Variants in ASAP2 observed in about 807,000 individuals in gnomAD.
The protein encoded by ASAP2 is ArfGAP with SH3 domain, ankyrin repeat and PH domain 2.
In ASAP2, 45 loss-of-function variants were observed where a neutral mutation model predicts 131.4. The ratio of observed to expected loss-of-function variants is 0.34; its 90% CI spans 0.27 to 0.44. The LOEUF (loss-of-function observed/expected upper bound fraction) is 0.44, where lower values mean the gene tolerates loss of function less well. ASAP2 is among the 20% of genes least tolerant of loss of function. The pLI is 1.00. For synonymous variants in ASAP2, 510 were observed against 503.0 expected (o/e 1.01, Z -0.19); for missense variants, 1,011 against 1,297.0 (o/e 0.78, Z 3.39).
intron 18 of ASAP2, among the ~76,000 whole-genome samples, chr2:9,378,270 G>T (rs763231081): frequency 4.6e-5 from 7 of 152,170 alleles, no homozygotes; most frequent in African/African-American, 1.7e-4. Flanking sequence ...GGCCATGTTT[G>T]CTAGGATTGA....
intron 16 of ASAP2, among the ~76,000 whole-genome samples, chr2:9,369,751 G>A (rs776210268): frequency 1.3e-5 from 2 of 152,200 alleles, no homozygotes; most frequent in African/African-American, 4.8e-5. Context: ...TTAATGACAC[G>A]AGTCTTCCCA....
chr2:9,216,690 A>T (rs1280811901), intron 1 of ASAP2, among the ~76,000 whole-genome samples: 2 of 151,638 alleles, frequency 1.3e-5, no homozygotes, highest in African/African-American at 4.8e-5. Context: ...CGAACTCCTG[A>T]CCTCAAGTGA....
chr2:9,285,396 T>C (rs1667400429), intron 2 of ASAP2, among the ~76,000 whole-genome samples: 1 of 152,216 alleles, frequency 6.6e-6, no homozygotes, highest in African/African-American at 2.4e-5. Flanking sequence ...GGTATCTGCA[T>C]GTCCCACGTG....
chr2:9,344,252 G>A lies in ASAP2; in HGVS notation c.850-280G>A, dbSNP rs548958675. On this transcript the variant is annotated intron_variant, in intron 9 of 27. Coordinates refer to ENST00000281419, the MANE Select transcript of ASAP2 (RefSeq NM_003887.3). ...TGTCACTGTCAGGGGGTTAAGGCTC[G>A]TAATGAAATAAAACCTGGAAACTTC... is the stretch of plus-strand genomic sequence containing the variant. Among the ~76,000 whole-genome samples, 6 of 152,194 alleles carry A rather than the reference G, an allele frequency of 3.9e-5. No homozygotes were observed. The South Asian group carries it at 6.2e-4, about 16-fold the overall frequency.
At chr2:9,286,403 CAG>C (rs1379586828) in intron 2 of ASAP2, among the ~76,000 whole-genome samples, 1 of 133,332 alleles carries the variant, frequency 7.5e-6, no homozygotes, top group African/African-American at 3.0e-5. Context: ...GTCTCCAAAA[CAG>C]AAAAAAAGGA....
intron 1 of ASAP2, among the ~76,000 whole-genome samples, chr2:9,276,427 G>T (rs371989716): frequency 6.6e-6 from 1 of 152,198 alleles, no homozygotes; most frequent in Non-Finnish European, 1.5e-5. Context: ...GCAGAGCTCA[G>T]ATGATCAGAT....
intron 1 of ASAP2, among the ~76,000 whole-genome samples, chr2:9,243,404 G>A (rs1271558170): frequency 2.0e-5 from 3 of 152,132 alleles, no homozygotes; most frequent in African/African-American, 4.8e-5. Context: ...CACCGTGCCC[G>A]GCCTAAAGAT....
chr2:9,398,895 G>A (rs1676400489), intron 24 of ASAP2: 1 of 152,192 alleles, frequency 6.6e-6, no homozygotes, highest in Non-Finnish European at 1.5e-5. Flanking sequence ...TGTCTCAGAG[G>A]ATCAGGCCTT....
Position 9,268,057 on chromosome 2 carries a change from G to T in ASAP2, c.127-11260G>T, listed in dbSNP as rs1433585341. ...GCCTCAGTTTGTAGTTTGCCAACAA[G>T]GTGTATATCCCTAAACATAAACAAT... On this transcript the variant is annotated intron_variant, in intron 1 of 27. Transcript: ENST00000281419. This position sits in a 1 kb window ranked among gnomAD's most constrained non-coding sequence, Gnocchi z 4.1. 1.3e-5 allele frequency among the ~76,000 whole-genome samples: 2 copies of T among 152,162 alleles called. No homozygotes were observed. Among genetic ancestry groups the T allele is most frequent in the Non-Finnish European group, 2.9e-5 (2 of 68,040 alleles).
intron 24 of ASAP2, among the ~76,000 whole-genome samples, chr2:9,395,439 T>C (rs13390738): frequency 0.29 from 44,465 of 151,754 alleles, 11,886 homozygotes; most frequent in African/African-American, 0.71. Context: ...CACGTCATTG[T>C]ACTCCAGCCT....
At chr2:9,248,218 G>A (rs1036752967) in intron 1 of ASAP2, among the ~76,000 whole-genome samples, 7 of 152,224 alleles carry the variant, frequency 4.6e-5, no homozygotes, top group African/African-American at 1.2e-4. Context: ...CGGAGGCCAC[G>A]CAGGCCTGTG....
At chr2:9,284,711 G>T (rs1224852401) in intron 2 of ASAP2, among the ~76,000 whole-genome samples, 1 of 152,190 alleles carries the variant, frequency 6.6e-6, no homozygotes, top group Non-Finnish European at 1.5e-5. Flanking sequence ...GCTGCCATGG[G>T]TGTGGGCGGG....
chr2:9,234,606 C>G (rs1047836421), intron 1 of ASAP2, among the ~76,000 whole-genome samples: 1 of 152,184 alleles, frequency 6.6e-6, no homozygotes, highest in East Asian at 1.9e-4. Context: ...GAAGTGGGCA[C>G]TATCCCCATT....
At chr2:9,370,433 T>C (rs1199364193) in intron 16 of ASAP2, among the ~76,000 whole-genome samples, 2 of 152,210 alleles carry the variant, frequency 1.3e-5, no homozygotes, top group Non-Finnish European at 2.9e-5. Context: ...AGGCATGAGG[T>C]TGACAATGTG....
chr2:9,382,830 C>T (rs1674968820), intron 20 of ASAP2, among the ~76,000 whole-genome samples: 2 of 152,214 alleles, frequency 1.3e-5, no homozygotes, highest in African/African-American at 4.8e-5. Context: ...ATTGTAGTCG[C>T]CTGACAGGTT....
intron 18 of ASAP2, among the ~76,000 whole-genome samples, chr2:9,377,734 G>A (rs1674516041): frequency 6.6e-6 from 1 of 152,212 alleles, no homozygotes; most frequent in African/African-American, 2.4e-5. Flanking sequence ...AAAGCCATGG[G>A]ATAGTTTGCA....
At chr2:9,385,159 A>G (rs1675169847) in intron 20 of ASAP2, 86 bp from the exon 21 acceptor site, 2 of 1,006,674 alleles carry the variant, frequency 2.0e-6, no homozygotes, top group Non-Finnish European at 3.1e-6. Flanking sequence ...ACTAGAAGGC[A>G]GGCCTCCTGC....
intron 1 of ASAP2, among the ~76,000 whole-genome samples, chr2:9,243,592 T>A (rs1487253237): frequency 6.6e-6 from 1 of 152,204 alleles, no homozygotes; most frequent in Non-Finnish European, 1.5e-5. Context: ...TCTAGTTTGG[T>A]GGAAACCAAA....
chr2:9,304,237 T>A (rs989118067), intron 3 of ASAP2, among the ~76,000 whole-genome samples: 3 of 152,152 alleles, frequency 2.0e-5, no homozygotes, highest in Admixed American at 6.5e-5. Context: ...AATTGTCAAA[T>A]GTGTGTAGGA....
Sources: allele counts gnomAD v4.1 joint callset (sites outside exome capture counted in the v4.1 genomes callset), GRCh38; gene constraint gnomAD v4.1.1; non-coding constraint Gnocchi (gnomAD v3.1); transcripts MANE v1.5; gene names NCBI Gene and HGNC (gene_info 2026-07-23, HGNC 2026-07-21).